The following SPAG9 variants were observed in gnomAD, a reference collection of about 807,000 sequenced individuals.
SPAG9 encodes the protein C-Jun-amino-terminal kinase-interacting protein 4.
SPAG9 carries 35 observed loss-of-function variants against 166.5 expected under a neutral mutation model. That is an observed-to-expected ratio of 0.21 (90% CI 0.16 to 0.28). SPAG9 has a LOEUF of 0.28. Ranked by LOEUF, SPAG9 falls within the 10% of genes least tolerant of loss-of-function variation. The pLI, the probability that SPAG9 is intolerant of heterozygous loss-of-function variation, is 1.00. For synonymous variants in SPAG9, 534 were observed against 565.5 expected (o/e 0.94, Z 0.79); for missense variants, 1,235 against 1,603.3 (o/e 0.77, Z 3.92).
At chr17:51,003,453 A>G (rs563829278) in intron 12 of SPAG9, among the ~76,000 whole-genome samples, 2 of 152,274 alleles carry the variant, frequency 1.3e-5, no homozygotes, top group African/African-American at 4.8e-5. Flanking sequence ...ACCAAACCAC[A>G]TACTCACCCA....
intron 8 of SPAG9, among the ~76,000 whole-genome samples, chr17:51,019,409 T>C (rs1462309880): frequency 6.8e-6 from 1 of 147,054 alleles, no homozygotes; most frequent in Non-Finnish European, 1.5e-5. Flanking sequence ...AAAAAAAAAT[T>C]AGCTAGGCAT....
At chr17:51,083,951 A>C (rs1386692868) in intron 1 of SPAG9, among the ~76,000 whole-genome samples, 1 of 152,154 alleles carries the variant, frequency 6.6e-6, no homozygotes, top group Non-Finnish European at 1.5e-5. Flanking sequence ...TTTCTATGAA[A>C]ACATTTCATA....
chr17:51,114,927 G>C (rs139217380), intron 1 of SPAG9, among the ~76,000 whole-genome samples: 2,277 of 151,978 alleles, frequency 0.015, 12 homozygotes, highest in Non-Finnish European at 0.022. Context: ...ACTCCAGCCT[G>C]GGTGACAGAG....
At chr17:51,069,711 A>G (rs182465363) in intron 2 of SPAG9, among the ~76,000 whole-genome samples, 24 of 152,320 alleles carry the variant, frequency 1.6e-4, no homozygotes, top group Admixed American at 1.3e-3. Context: ...CCAAGAAATA[A>G]GAAGTGTTTT....
At chr17:51,025,018 CAA>C (rs578089840) in intron 6 of SPAG9, among the ~76,000 whole-genome samples, 11 of 125,018 alleles carry the variant, frequency 8.8e-5, no homozygotes, top group Non-Finnish European at 8.6e-5. Context: ...GACTTCATCT[CAA>C]AAAAAAAAAA....
At chr17:51,026,352 G>A (rs1022220296) in intron 6 of SPAG9, among the ~76,000 whole-genome samples, 4 of 149,946 alleles carry the variant, frequency 2.7e-5, no homozygotes, top group Non-Finnish European at 4.4e-5. Flanking sequence ...AAAATAACCA[G>A]GAGAGAGCTG....
intron 25 of SPAG9, 94 bp downstream of exon 25, chr17:50,982,430 A>C (rs771002885): frequency 8.3e-7 from 1 of 1,209,030 alleles, no homozygotes; most frequent in Non-Finnish European, 1.1e-6. Flanking sequence ...CAGATCCAGA[A>C]ACAATTTCTA....
rs148788170 is a variant in SPAG9 at position 51,014,516 on chromosome 17, T to C, written c.1092-163A>G. The C allele has an allele frequency of 2.3e-4, 124 of 546,118 alleles. 1 individual carries two copies. Among genetic ancestry groups the C allele is most frequent in the African/African-American group, 2.2e-3 (114 of 51,930 alleles). The allele number at this position is 546,118 out of a possible 1,614,324, so 33.8% of individuals were successfully genotyped here. A position where few individuals can be genotyped will look rare whatever the true frequency, so the allele number is the denominator to read the frequency against. ...GATTTCTCAAAGGCTTCCTAAGAAA[T>C]TCTCACTAAGCTCCATGGAAATAGC... On this transcript the variant is annotated intron_variant, in intron 8 of 29. Transcript: ENST00000262013.
chr17:51,061,621 A>C (rs1223201887), intron 2 of SPAG9, among the ~76,000 whole-genome samples: 1 of 150,346 alleles, frequency 6.7e-6, no homozygotes, highest in Non-Finnish European at 1.5e-5. Flanking sequence ...CCAAAAAAAA[A>C]AAAAAAAAAA....
intron 1 of SPAG9, among the ~76,000 whole-genome samples, chr17:51,108,028 C>T (rs933263159): frequency 6.6e-6 from 1 of 151,196 alleles, no homozygotes; most frequent in Non-Finnish European, 1.5e-5. Context: ...CTCTATAACC[C>T]TGGCAGAGTA....
At chr17:51,081,076 A>C (rs1369139160) in intron 1 of SPAG9, among the ~76,000 whole-genome samples, 1 of 151,976 alleles carries the variant, frequency 6.6e-6, no homozygotes, top group African/African-American at 2.4e-5. Context: ...CAGCAAATCT[A>C]CCTTCAGATC....
chr17:51,072,253 G>T (rs2047840387), intron 2 of SPAG9, among the ~76,000 whole-genome samples: 1 of 151,384 alleles, frequency 6.6e-6, no homozygotes, highest in Non-Finnish European at 1.5e-5. Flanking sequence ...TGTATTTTTA[G>T]TAGAGACGGA....
At chr17:51,096,157 T>C (rs991991994) in intron 1 of SPAG9, among the ~76,000 whole-genome samples, 2 of 150,228 alleles carry the variant, frequency 1.3e-5, no homozygotes, top group Non-Finnish European at 3.0e-5. Flanking sequence ...ACCGGCCTTG[T>C]CAACATGGTA....
At position 50,999,695 on chromosome 17, in the gene SPAG9, T is replaced by C. The variant is rs1311065751; in HGVS notation, c.1630A>G (p.Met544Val). The C allele has an allele frequency of 1.9e-6, 3 of 1,613,436 alleles. No individual in the cohort carries two copies. Among genetic ancestry groups the C allele is most frequent in the Non-Finnish European group, 1.7e-6 (2 of 1,179,716 alleles). Reference protein sequence around the residue: ...MIRASRENPAMQEKKRSSIWQ... With the variant: ...MIRASRENPAVQEKKRSSIWQ... Reference sequence around the variant, plus strand: ...ATGCTTGACCTTTTTTTTTCCTGCATGGCTGGATTTTCTCGTGATGCCCTA... The same window carrying C: ...ATGCTTGACCTTTTTTTTTCCTGCACGGCTGGATTTTCTCGTGATGCCCTA... Residue 544 changes from methionine (M) to valine (V), a missense_variant, in exon 14 of 30, where the codon ATG (methionine) becomes GTG (valine). Transcript: ENST00000262013.
chr17:51,047,389 A>T lies in SPAG9; in HGVS notation c.576T>A (p.Ala192=), dbSNP rs746578122. ...ACAAAGCTTACCTAATTCTACTATG[A>T]GCTGTGGATTCTAGTTGATCACTCC... ...LSGSDQLEST[A]HSRIRKERPI... Residue 192 remains alanine (A), a synonymous_variant, in exon 4 of 30, where the codon GCT becomes GCA. Transcript: ENST00000262013. The T allele has an allele frequency of 6.4e-7, 1 of 1,571,776 alleles. No homozygotes were observed.
At chr17:50,993,431 A>G (rs1465223898) in intron 19 of SPAG9, among the ~76,000 whole-genome samples, 2 of 152,184 alleles carry the variant, frequency 1.3e-5, no homozygotes, top group Non-Finnish European at 2.9e-5. Flanking sequence ...GATATATCAC[A>G]TACACTTCTT....
intron 1 of SPAG9, among the ~76,000 whole-genome samples, chr17:51,093,694 CA>C (rs57010523): frequency 1.2e-3 from 89 of 72,554 alleles, no homozygotes; most frequent in South Asian, 2.2e-3. Context: ...GACTCCGTCT[CA>C]AAAAAAAAAA....
chr17:51,080,283 T>A (rs2048123040), intron 1 of SPAG9, among the ~76,000 whole-genome samples: 1 of 151,324 alleles, frequency 6.6e-6, no homozygotes. Context: ...AGTGATCCGC[T>A]CTCCTTAAAA....
chr17:50,999,045 A>G (rs1266601644), intron 14 of SPAG9, among the ~76,000 whole-genome samples: 1 of 152,232 alleles, frequency 6.6e-6, no homozygotes, highest in Non-Finnish European at 1.5e-5. Context: ...TATTATAATC[A>G]AGTACTGGAA....
Sources: gnomAD v4.1 joint callset for allele counts (sites outside exome capture counted in the v4.1 genomes callset) on GRCh38, gnomAD v4.1.1 for gene constraint, MANE v1.5 for transcripts, NCBI Gene and HGNC (gene_info 2026-07-23, HGNC 2026-07-21) for gene names.